RGS3: variants seen among roughly 807,000 people sequenced by gnomAD.
RGS3 encodes the protein regulator of G protein signaling 3.
Under a neutral mutation model 132.6 loss-of-function variants are expected in RGS3, and 80 were observed. The observed-to-expected ratio is 0.60, with a 90% CI of 0.50 to 0.73. RGS3 has a LOEUF of 0.73. RGS3 is among the 30% of genes least tolerant of loss of function. The probability of loss-of-function intolerance (pLI) is 0.00; values close to 1 mark genes in which losing one functional copy is unlikely to be tolerated. For missense variants in RGS3, 1,382 were observed against 1,530.8 expected, an observed-to-expected ratio of 0.90 and a Z score of 1.62; for synonymous variants, 598 against 620.6, an observed-to-expected ratio of 0.96 and a Z score of 0.54.
intron 19 of RGS3, among the ~76,000 whole-genome samples, chr9:113,542,319 G>A (rs1564548547): frequency 6.6e-6 from 1 of 152,216 alleles, no homozygotes; most frequent in Non-Finnish European, 1.5e-5. Flanking sequence ...AGACACAGTG[G>A]GTGAGGTAGT....
Position 113,507,219 on chromosome 9 carries a change from G to T in RGS3, c.1086-68G>T. On this transcript the variant is annotated intron_variant, in intron 12 of 24. Coordinates refer to ENST00000350696, the Ensembl canonical transcript of RGS3. This position sits in a 1 kb window ranked among gnomAD's most constrained non-coding sequence, Gnocchi z 5.0. Reference sequence around the variant, plus strand: ...CCCCCATTATCCTCTCTGCCCTGTGGGCCCTCACTCTGGCTGATACTGGCT... The same window carrying T: ...CCCCCATTATCCTCTCTGCCCTGTGTGCCCTCACTCTGGCTGATACTGGCT... The T allele has an allele frequency of 7.7e-7, 1 of 1,295,540 alleles. No individual in the cohort carries two copies. The highest frequency in any genetic ancestry group is 1.1e-6 in the Non-Finnish European group (1 of 928,102). 80.3% of individuals were successfully genotyped at this position (1,295,540 alleles called of 1,614,324 possible). A position where few individuals can be genotyped will look rare whatever the true frequency, so the allele number is the denominator to read the frequency against.
intron 10 of RGS3, 165 bp from the exon 9 acceptor site, chr9:113,505,277 T>C: frequency 1.6e-6 from 1 of 621,618 alleles, no homozygotes; most frequent in East Asian, 2.8e-5. Context: ...TCAAGTTGTC[T>C]GGGCTGAGAT....
Position 113,479,628 on chromosome 9 carries a change from C to G in RGS3, c.466+87C>G, listed in dbSNP as rs114547215. 3.2e-5 allele frequency: 39 copies of G among 1,224,266 alleles called. No homozygotes were observed. In the African/African-American group the frequency reaches 5.7e-4, roughly 18 times the overall value. 75.8% of individuals were successfully genotyped at this position (1,224,266 alleles called of 1,614,324 possible). ...GGCTGGGGTTGGGGGATGGTGGCAC[C>G]ATGGGCCAAGGCTTCTTTTCTCATC... On this transcript the variant is annotated intron_variant, in intron 4 of 24. Transcript: ENST00000350696.
At chr9:113,594,014 G>T in intron 21 of RGS3, 7 of 1,612,952 alleles carry the variant, frequency 4.3e-6, no homozygotes, top group Non-Finnish European at 5.9e-6. Context: ...CCCCTTTCAC[G>T]GCTCCCTCTC....
intron 4 of RGS3, among the ~76,000 whole-genome samples, chr9:113,481,970 C>A (rs550255550): frequency 2.7e-5 from 4 of 150,926 alleles, no homozygotes; most frequent in Admixed American, 2.6e-4. Flanking sequence ...CACTTGAACC[C>A]GGGAGGTGGA....
chr9:113,558,933 A>T lies in RGS3; in HGVS notation c.2037+22015A>T, dbSNP rs537635909. Among the ~76,000 whole-genome samples, 17 of 152,342 alleles carry T rather than the reference A, an allele frequency of 1.1e-4. 1 individual carries two copies. The South Asian group carries it at 3.5e-3, about 32-fold the overall frequency. Reference sequence around the variant, plus strand: ...TGCAGACCACATTTTGAGTGGACTGATCTAGTTCAACCCCAGTGCATTTTA... The same window carrying T: ...TGCAGACCACATTTTGAGTGGACTGTTCTAGTTCAACCCCAGTGCATTTTA... On this transcript the variant is annotated intron_variant, in intron 19 of 24. Transcript: ENST00000350696.
chr9:113,566,985 G>A (rs1354949333), intron 19 of RGS3, among the ~76,000 whole-genome samples: 7 of 152,238 alleles, frequency 4.6e-5, no homozygotes, highest in Admixed American at 6.5e-5. Context: ...GGCCCTTCAG[G>A]GAGCCGAGTT....
intron 19 of RGS3, chr9:113,541,485 T>G (rs981404400): frequency 6.3e-7 from 1 of 1,591,780 alleles, no homozygotes; most frequent in African/African-American, 1.3e-5. Flanking sequence ...GGGCATCCCC[T>G]ACCACACAGT....
At chr9:113,567,590 A>G (rs975035316) in intron 19 of RGS3, among the ~76,000 whole-genome samples, 1 of 152,164 alleles carries the variant, frequency 6.6e-6, no homozygotes, top group African/African-American at 2.4e-5. Context: ...TTGCATCCAT[A>G]GGGCCAAGGG....
intron 24 of RGS3, 93 bp downstream of exon 22, chr9:113,595,858 A>G: frequency 1.4e-6 from 2 of 1,403,652 alleles, no homozygotes; most frequent in South Asian, 1.3e-5. Flanking sequence ...CAGGAAGGGG[A>G]GAGGCCAGAA....
At chr9:113,468,651 A>G (rs984777275) in intron 3 of RGS3, among the ~76,000 whole-genome samples, 1 of 152,222 alleles carries the variant, frequency 6.6e-6, no homozygotes, top group African/African-American at 2.4e-5. Context: ...AGGGATACCA[A>G]CTTATTAGTT....
chr9:113,462,105 T>C (rs1829487407), exon 3 of RGS3: 1 of 1,613,940 alleles, frequency 6.2e-7, no homozygotes, highest in Non-Finnish European at 8.5e-7. Context: ...CTGGATGGAG[T>C]GGCTAAGCCC....
chr9:113,548,208 G>A (rs1427659716), intron 19 of RGS3, among the ~76,000 whole-genome samples: 2 of 152,234 alleles, frequency 1.3e-5, no homozygotes, highest in Non-Finnish European at 2.9e-5. Flanking sequence ...AGGGCATGTA[G>A]TCGGGGACTT....
intron 19 of RGS3, among the ~76,000 whole-genome samples, chr9:113,541,059 A>C (rs1375822803): frequency 6.6e-6 from 1 of 152,138 alleles, no homozygotes; most frequent in Non-Finnish European, 1.5e-5. Context: ...GCTCCATGTC[A>C]CTTCCTGGTA....
chr9:113,465,950 C>T (rs570597101), intron 3 of RGS3, among the ~76,000 whole-genome samples: 50 of 152,304 alleles, frequency 3.3e-4, no homozygotes, highest in African/African-American at 1.2e-3. Flanking sequence ...TTTTCTTTAT[C>T]CACTGTGATC....
intron 14 of RGS3, among the ~76,000 whole-genome samples, chr9:113,511,275 C>T (rs1256211253): frequency 1.3e-5 from 2 of 152,018 alleles, no homozygotes; most frequent in Admixed American, 6.6e-5. Context: ...TGTATTTGGT[C>T]GGTGAAGCAG....
rs1835434008 is a variant in RGS3 at position 113,591,612 on chromosome 9, T to C, written c.3080+215T>C. The C allele has an allele frequency of 1.8e-6, 1 of 545,998 alleles. No individual in the cohort carries two copies. Among genetic ancestry groups the C allele is most frequent in the African/African-American group, 1.9e-5 (1 of 52,766 alleles). The allele number at this position is 545,998 out of a possible 1,614,324, so 33.8% of individuals were successfully genotyped here. A position where few individuals can be genotyped will look rare whatever the true frequency, so the allele number is the denominator to read the frequency against. On this transcript the variant is annotated intron_variant, in intron 21 of 24. Coordinates refer to ENST00000350696, the Ensembl canonical transcript of RGS3. The surrounding 1 kb of genome is among the most constrained non-coding windows in gnomAD (Gnocchi z 4.4). The stretch of plus-strand genomic sequence containing the variant: ...AGCATTCTCTCCAAGTGAGGCAAAG[T>C]GCTGATTCAGTACCCGGAAGCCACA...
intron 6 of RGS3, 55 bp downstream of exon 4, chr9:113,484,287 G>C (rs985933112): frequency 1.4e-4 from 98 of 698,412 alleles, no homozygotes; most frequent in Admixed American, 1.1e-3. Flanking sequence ...GTGTTTATCT[G>C]GAAACAGCTC....
chr9:113,562,061 C>T lies in RGS3; in HGVS notation c.2038-21389C>T, dbSNP rs1340098425. On this transcript the variant is annotated intron_variant, in intron 19 of 24. Coordinates refer to ENST00000350696, the Ensembl canonical transcript of RGS3. ...CTCATCTGTTCCATGGGCTGCCCTG[C>T]GCCATGGTGCAGGACACAGTGGAAA... Among the ~76,000 whole-genome samples, 9 of 152,310 alleles carry T rather than the reference C, an allele frequency of 5.9e-5. No individual in the cohort carries two copies. In the South Asian group the frequency reaches 8.3e-4, roughly 14 times the overall value.
Sources: gnomAD v4.1 joint callset for allele counts (sites outside exome capture counted in the v4.1 genomes callset) on GRCh38, gnomAD v4.1.1 for gene constraint, Gnocchi (gnomAD v3.1) non-coding constraint, MANE v1.5 for transcripts, NCBI Gene and HGNC (gene_info 2026-07-23, HGNC 2026-07-21) for gene names.